Variants in CELF2 observed in about 807,000 individuals in gnomAD.
The protein encoded by CELF2 is CUG triplet repeat RNA-binding protein 2.
CELF2 carries 8 observed loss-of-function variants against 62.6 expected under a neutral mutation model. The ratio of observed to expected loss-of-function variants is 0.13; its 90% confidence interval spans 0.07 to 0.23. The LOEUF (loss-of-function observed/expected upper bound fraction) is 0.23. Among genes scored for constraint, CELF2 ranks in the 10% least tolerant of loss-of-function variants. The probability of loss-of-function intolerance (pLI) is 1.00; values close to 1 mark genes in which losing one functional copy is unlikely to be tolerated. For synonymous variants in CELF2, 258 were observed against 250.0 expected (o/e 1.03, Z -0.30); for missense variants, 333 against 671.0 (o/e 0.50, Z 5.56).
At chr10:11,176,775 C>A (rs957668256) in intron 2 of CELF2, among the ~76,000 whole-genome samples, 4 of 152,208 alleles carry the variant, frequency 2.6e-5, no homozygotes, top group African/African-American at 9.6e-5. Context: ...GAGTAAACTA[C>A]CATCAACAAG....
intron 2 of CELF2, among the ~76,000 whole-genome samples, chr10:11,196,566 C>T (rs2057541981): frequency 6.6e-6 from 1 of 151,990 alleles, no homozygotes; most frequent in South Asian, 2.1e-4. Context: ...ACTCAGGAGG[C>T]TGAGGAGGGA....
intron 3 of CELF2, among the ~76,000 whole-genome samples, chr10:11,248,222 A>AT (rs991503336): frequency 5.9e-5 from 9 of 152,110 alleles, no homozygotes; most frequent in Non-Finnish European, 7.4e-5. Context: ...GGTTTGAGGA[A>AT]TTGATTCTAA....
the CELF2 span, among the ~76,000 whole-genome samples, chr10:10,658,902 G>T: frequency 6.6e-6 from 1 of 152,150 alleles, no homozygotes; most frequent in African/African-American, 2.4e-5. Context: ...TAGAATTACA[G>T]AAACTACAAG....
chr10:10,970,852 T>A (rs1208532431), intron 2 of CELF2: 2 of 152,136 alleles, frequency 1.3e-5, no homozygotes, highest in African/African-American at 4.8e-5. Context: ...CTTTTCTTTT[T>A]TTGGATAGAA....
At chr10:11,101,845 AATG>A (rs1383304374) in intron 1 of CELF2, among the ~76,000 whole-genome samples, 1 of 152,204 alleles carries the variant, frequency 6.6e-6, no homozygotes, top group Non-Finnish European at 1.5e-5. Flanking sequence ...ATGGAATTAT[AATG>A]ATCTGTACTT....
chr10:11,077,121 G>A (rs749234669), intron 1 of CELF2, among the ~76,000 whole-genome samples: 7 of 152,298 alleles, frequency 4.6e-5, no homozygotes, highest in Middle Eastern at 3.4e-3. Flanking sequence ...TTAACTCTGA[G>A]ACAAGTGAAT....
In CELF2 at chr10:11,247,974, T is replaced by C. The variant is rs948434652; in HGVS notation, c.355-1179T>C. 1.3e-5 allele frequency among the ~76,000 whole-genome samples: 2 copies of C among 152,202 alleles called. No homozygotes were observed. Among genetic ancestry groups the C allele is most frequent in the Non-Finnish European group, 2.9e-5 (2 of 68,034 alleles). ...GGTGCACGTGATCCTGACTGCCTGA[T>C]GATAATTTCCCATGATGAAAGTATC... is the stretch of plus-strand genomic sequence containing the variant. On this transcript the variant is annotated intron_variant, in intron 3 of 12. Coordinates refer to ENST00000633077, the MANE Select transcript of CELF2 (RefSeq NM_001326342.2). The surrounding 1 kb of genome is among the most constrained non-coding windows in gnomAD (Gnocchi z 5.4).
At chr10:11,129,879 CT>C (rs2059352092) in intron 1 of CELF2, among the ~76,000 whole-genome samples, 1 of 152,138 alleles carries the variant, frequency 6.6e-6, no homozygotes, top group African/African-American at 2.4e-5. Flanking sequence ...TCCTTCAGTT[CT>C]GCTCTGATCT....
At chr10:10,500,553 C>A in the CELF2 span, among the ~76,000 whole-genome samples, 8 of 152,146 alleles carry the variant, frequency 5.3e-5, no homozygotes, top group African/African-American at 1.9e-4. Context: ...GTAAGACATG[C>A]CTTTTGCCTT....
At chr10:10,777,063 T>C in the CELF2 span, among the ~76,000 whole-genome samples, 2 of 152,220 alleles carry the variant, frequency 1.3e-5, no homozygotes, top group South Asian at 2.1e-4. Context: ...CGCCTCCCGA[T>C]TGTGGCATCT....
the CELF2 span, among the ~76,000 whole-genome samples, chr10:10,676,289 A>G: frequency 6.6e-6 from 1 of 152,028 alleles, no homozygotes; most frequent in Non-Finnish European, 1.5e-5. Context: ...GGAAATGGGT[A>G]TTTCCCTCTC....
the CELF2 span, among the ~76,000 whole-genome samples, chr10:10,628,535 G>A: frequency 3.3e-5 from 5 of 152,258 alleles, no homozygotes; most frequent in South Asian, 2.1e-4. Flanking sequence ...CTGCTGTCAC[G>A]GGGTCAAAAG....
At chr10:10,994,581 C>G (rs1295296904) in intron 2 of CELF2, among the ~76,000 whole-genome samples, 1 of 152,204 alleles carries the variant, frequency 6.6e-6, no homozygotes, top group Non-Finnish European at 1.5e-5. Flanking sequence ...CCTGTTGAAT[C>G]AGCAGCAGCA....
chr10:11,231,653 A>G (rs2068700295), intron 3 of CELF2, among the ~76,000 whole-genome samples: 1 of 151,524 alleles, frequency 6.6e-6, no homozygotes, highest in South Asian at 2.1e-4. Context: ...TCAGAAAAAA[A>G]AAAATCCTGT....
chr10:11,282,042 C>A (rs1347447768), intron 8 of CELF2, among the ~76,000 whole-genome samples: 1 of 152,158 alleles, frequency 6.6e-6, no homozygotes, highest in Admixed American at 6.5e-5. Flanking sequence ...AGGCCACTCC[C>A]AGTGGATATG....
the CELF2 span, among the ~76,000 whole-genome samples, chr10:10,773,869 C>T: frequency 2.6e-4 from 39 of 152,136 alleles, no homozygotes; most frequent in East Asian, 7.7e-4. Context: ...CAAACCTTTG[C>T]GATAAACACT....
intron 2 of CELF2, among the ~76,000 whole-genome samples, chr10:10,991,402 A>G (rs1364889821): frequency 6.6e-6 from 1 of 152,154 alleles, no homozygotes; most frequent in African/African-American, 2.4e-5. Context: ...AGTGGGGATG[A>G]TCCTGCTGAG....
chr10:10,559,655 G>A, the CELF2 span, among the ~76,000 whole-genome samples: 4 of 152,148 alleles, frequency 2.6e-5, no homozygotes, highest in Admixed American at 2.0e-4. Flanking sequence ...TTTGGAAAGG[G>A]CCTTCTTAAC....
chr10:11,308,418 G>A (rs2094383181), intron 9 of CELF2, among the ~76,000 whole-genome samples: 1 of 152,112 alleles, frequency 6.6e-6, no homozygotes, highest in Admixed American at 6.5e-5. Flanking sequence ...CCATATTTCT[G>A]TGAGGCTCTG....
Sources: allele counts gnomAD v4.1 joint callset (sites outside exome capture counted in the v4.1 genomes callset), GRCh38; gene constraint gnomAD v4.1.1; non-coding constraint Gnocchi (gnomAD v3.1); transcripts MANE v1.5; gene names NCBI Gene and HGNC (gene_info 2026-07-23, HGNC 2026-07-21).